GPR55: variants seen among roughly 807,000 people sequenced by gnomAD.
The protein encoded by GPR55 is G-protein coupled receptor 55.
Under a neutral mutation model 7.9 loss-of-function variants are expected in GPR55, and 6 were observed. The ratio of observed to expected loss-of-function variants is 0.76; its 90% CI spans 0.41 to 1.49. The LOEUF is 1.49. Among genes scored for constraint, GPR55 ranks in the 40% most tolerant of loss-of-function variants. The probability of loss-of-function intolerance (pLI) is 0.01; values close to 1 mark genes in which losing one functional copy is unlikely to be tolerated. For missense variants in GPR55, 376 were observed against 406.0 expected (o/e 0.93, Z 0.63); for synonymous variants, 183 against 166.8 (o/e 1.10, Z -0.75).
rs560441276 is a variant in GPR55, at chr2:230,909,651, A to G, written c.*352T>C. 4.4e-6 allele frequency: 1 copy of G among 224,900 alleles called. No homozygotes were observed. Among genetic ancestry groups the G allele is most frequent in the East Asian group, 9.9e-5 (1 of 10,086 alleles). The allele number at this position is 224,900 out of a possible 1,614,324, so 13.9% of individuals were successfully genotyped here. On this transcript the variant is annotated 3_prime_UTR_variant, in exon 2 of 2. Transcript: ENST00000650999. Reference sequence around the variant, plus strand: ...TTTCTCTCTCTCTCTTTCTTTCCAGAACCTCCCAGTCGAACAGGAAAATGG... The same window carrying G: ...TTTCTCTCTCTCTCTTTCTTTCCAGGACCTCCCAGTCGAACAGGAAAATGG...
intron 1 of GPR55, among the ~76,000 whole-genome samples, chr2:230,945,641 CG>C (rs1315101627): frequency 1.3e-5 from 2 of 152,216 alleles, no homozygotes; most frequent in African/African-American, 4.8e-5. Context: ...GGCACTATCT[CG>C]GCTCACTGCA....
At chr2:230,956,970 CAG>C (rs769365602) in intron 1 of GPR55, among the ~76,000 whole-genome samples, 4 of 150,990 alleles carry the variant, frequency 2.6e-5, no homozygotes, top group African/African-American at 9.7e-5. Flanking sequence ...CCTGAAACTG[CAG>C]AGAGTACCAA....
rs1690483311 is a variant in GPR55 at position 230,907,714 on chromosome 2, T to C, written c.*2289A>G. 1 of 152,364 alleles carries C rather than the reference T, an allele frequency of 6.6e-6. No homozygotes were observed. Among genetic ancestry groups the C allele is most frequent in the Non-Finnish European group, 1.5e-5 (1 of 68,186 alleles). The allele number at this position is 152,364 out of a possible 1,614,324, so 9.4% of individuals were successfully genotyped here. A position where few individuals can be genotyped will look rare whatever the true frequency, so the allele number is the denominator to read the frequency against. On this transcript the variant is annotated 3_prime_UTR_variant, in exon 2 of 2. Coordinates refer to ENST00000650999, the MANE Select transcript of GPR55 (RefSeq NM_005683.4). ...GCTCCCCTCCCCGTCCCTCCCTACA[T>C]GATCAGGTCCTCTCAGCTGTCTAGA...
chr2:230,932,616 C>T lies in GPR55; in HGVS notation c.-134-21520G>A, dbSNP rs1315962918. 2.6e-5 allele frequency among the ~76,000 whole-genome samples: 4 copies of T among 152,212 alleles called. No homozygotes were observed. In the East Asian group the frequency reaches 7.7e-4, roughly 29 times the overall value. On this transcript the variant is annotated intron_variant, in intron 1 of 1. Coordinates refer to the GPR55 transcript ENST00000392039. The stretch of plus-strand genomic sequence containing the variant: ...CAGAAGGACATGTTCATTACAAGGA[C>T]AGTCTCCACGTGGGGCTCGAAACTG...
intron 1 of GPR55, among the ~76,000 whole-genome samples, chr2:230,945,818 C>G (rs1044804403): frequency 6.6e-6 from 1 of 152,166 alleles, no homozygotes; most frequent in African/African-American, 2.4e-5. Context: ...GTGATCCGTC[C>G]GCCTCGCCTC....
chr2:230,910,354 C>T lies in GPR55; in HGVS notation c.609G>A (p.Arg203=). The part of the protein sequence containing the change: ...PMGIMGFCCS[R]SIHILLGRRD... ...GGCGGCCCAGCAGGATGTGGATGCT[C>T]CTGGAGCAGCAGAAGCCCATGATGC... Residue 203 remains arginine (R), a synonymous_variant, in exon 2 of 2, where the codon AGG becomes AGA. Transcript: ENST00000650999. This position sits in a 1 kb window ranked among gnomAD's most constrained non-coding sequence, Gnocchi z 5.4. 6.2e-7 allele frequency: 1 copy of T among 1,613,958 alleles called. No individual in the cohort carries two copies. The highest frequency in any genetic ancestry group is 1.3e-5 in the African/African-American group (1 of 74,982).
chr2:230,936,051 G>C (rs1336289276), intron 1 of GPR55, among the ~76,000 whole-genome samples: 1 of 152,166 alleles, frequency 6.6e-6, no homozygotes, highest in African/African-American at 2.4e-5. Flanking sequence ...TGAACTGTGG[G>C]GAAGAGAATA....
At chr2:230,956,825 C>A (rs1691489374) in intron 1 of GPR55, among the ~76,000 whole-genome samples, 1 of 151,994 alleles carries the variant, frequency 6.6e-6, no homozygotes, top group African/African-American at 2.4e-5. Context: ...TACCTTTTTT[C>A]GTCTTTCATG....
chr2:230,952,423 A>T (rs1430032665), intron 1 of GPR55, among the ~76,000 whole-genome samples: 1 of 152,220 alleles, frequency 6.6e-6, no homozygotes, highest in Non-Finnish European at 1.5e-5. Flanking sequence ...GTGAGCCCAG[A>T]GGGCTAAGGA....
At chr2:230,958,800 C>T (rs935540066) in intron 1 of GPR55, among the ~76,000 whole-genome samples, 3 of 152,310 alleles carry the variant, frequency 2.0e-5, no homozygotes, top group African/African-American at 7.2e-5. Flanking sequence ...AAGGACCTCT[C>T]ACCCTATGGC....
At chr2:230,948,268 C>T (rs1448038775) in intron 1 of GPR55, among the ~76,000 whole-genome samples, 1 of 152,082 alleles carries the variant, frequency 6.6e-6, no homozygotes, top group Non-Finnish European at 1.5e-5. Flanking sequence ...CCCCTCCAGG[C>T]CTGACTTCCC....
chr2:230,916,479 G>A (rs1416170159), intron 1 of GPR55, among the ~76,000 whole-genome samples: 2 of 151,842 alleles, frequency 1.3e-5, no homozygotes, highest in African/African-American at 2.4e-5. Flanking sequence ...AGCCATGATC[G>A]TGCCACTGCA....
rs745856830 is a variant in GPR55, at chr2:230,924,210, G to A, written c.-135+958C>T. Among the ~76,000 whole-genome samples, 3 of 152,138 alleles carry A rather than the reference G, an allele frequency of 2.0e-5. No individual in the cohort carries two copies. Among genetic ancestry groups the A allele is most frequent in the Non-Finnish European group, 2.9e-5 (2 of 68,026 alleles). On this transcript the variant is annotated intron_variant, in intron 1 of 1. Transcript: ENST00000650999. The surrounding 1 kb of genome is among the most constrained non-coding windows in gnomAD (Gnocchi z 4.5). ...ATGAAAGAGGGGGTGAAGAAATGAC[G>A]GAACAAATGGCCAGGTCTGCTGCAG...
rs973510731 is a variant in GPR55, at chr2:230,909,416, T to A, written c.*587A>T. The A allele has an allele frequency of 1.3e-5, 2 of 152,970 alleles. No homozygotes were observed. Among genetic ancestry groups the A allele is most frequent in the Admixed American group, 1.3e-4 (2 of 15,374 alleles). The allele number at this position is 152,970 out of a possible 1,614,324, so 9.5% of individuals were successfully genotyped here. ...CTCACTGGAAACTTGGGGTGATCCA[T>A]GCTACTTGCCCAGCCCCAACACCAC... On this transcript the variant is annotated 3_prime_UTR_variant, in exon 2 of 2. Coordinates refer to ENST00000650999, the MANE Select transcript of GPR55 (RefSeq NM_005683.4).
Position 230,954,315 on chromosome 2 carries a change from C to T in GPR55, c.-135+6460G>A, listed in dbSNP as rs367587448. On this transcript the variant is annotated intron_variant, in intron 1 of 1. Transcript: ENST00000392039. ...TGTTTCCACAGTGACAGAGCCAAGC[C>T]CCTGCTCTGGGCTGGCTATCATTCT... is the stretch of plus-strand genomic sequence containing the variant. Among the ~76,000 whole-genome samples, 3 of 152,316 alleles carry T rather than the reference C, an allele frequency of 2.0e-5. No homozygotes were observed. The East Asian group carries it at 5.8e-4, about 29-fold the overall frequency.
upstream of GPR55, among the ~76,000 whole-genome samples, chr2:230,928,251 G>A (rs1455475624): frequency 5.3e-5 from 8 of 152,172 alleles, no homozygotes; most frequent in Non-Finnish European, 1.0e-4. Context: ...GGGTTGGGTT[G>A]GGATGAGGGC....
At chr2:230,952,205 C>A (rs1157793773) in intron 1 of GPR55, among the ~76,000 whole-genome samples, 1 of 152,238 alleles carries the variant, frequency 6.6e-6, no homozygotes, top group Non-Finnish European at 1.5e-5. Flanking sequence ...ACAGGGAAAG[C>A]CTGAGGGCGG....
At chr2:230,920,000 T>TA (rs1232408534) in intron 1 of GPR55, among the ~76,000 whole-genome samples, 2 of 150,374 alleles carry the variant, frequency 1.3e-5, no homozygotes, top group Non-Finnish European at 3.0e-5. Context: ...AAAAAAAACC[T>TA]AAAAAAAGAT....
chr2:230,956,740 C>G (rs188022143), intron 1 of GPR55, among the ~76,000 whole-genome samples: 110 of 152,180 alleles, frequency 7.2e-4, no homozygotes, highest in Middle Eastern at 3.4e-3. Flanking sequence ...TTAAAAAAAT[C>G]TTTATCTTGC....
Sources: gnomAD v4.1 joint callset for allele counts (sites outside exome capture counted in the v4.1 genomes callset) on GRCh38, gnomAD v4.1.1 for gene constraint, Gnocchi (gnomAD v3.1) non-coding constraint, MANE v1.5 for transcripts, NCBI Gene and HGNC (gene_info 2026-07-23, HGNC 2026-07-21) for gene names.